STXBP4: variants seen among roughly 807,000 people sequenced by gnomAD.
The protein encoded by STXBP4 is syntaxin-binding protein 4.
Under a neutral mutation model 76.1 loss-of-function variants are expected in STXBP4, and 55 were observed. That is an observed-to-expected ratio of 0.72 (90% CI 0.58 to 0.91). The LOEUF is 0.91. STXBP4 is among the 40% of genes least tolerant of loss of function. STXBP4 has a pLI of 0.00. For synonymous variants in STXBP4, 201 were observed against 220.2 expected (o/e 0.91, Z 0.77); for missense variants, 618 against 636.9 (o/e 0.97, Z 0.32).
intron 15 of STXBP4, among the ~76,000 whole-genome samples, chr17:55,079,422 A>G (rs527972808): frequency 1.6e-4 from 24 of 152,208 alleles, no homozygotes; most frequent in African/African-American, 5.5e-4. Flanking sequence ...CTAGTCCTAG[A>G]TACATCTTCT....
intron 16 of STXBP4, among the ~76,000 whole-genome samples, chr17:55,135,905 G>A (rs556091311): frequency 2.6e-5 from 4 of 152,246 alleles, no homozygotes; most frequent in East Asian, 3.9e-4. Flanking sequence ...TATTGGCAGT[G>A]CAAACAGGAG....
At chr17:54,990,779 G>A (rs775402952) in intron 3 of STXBP4, 46 bp from the exon 4 acceptor site, 1 of 1,540,904 alleles carries the variant, frequency 6.5e-7, no homozygotes, top group South Asian at 1.3e-5. Flanking sequence ...AAAAATAGGT[G>A]CAGATCTCTA....
intron 11 of STXBP4, among the ~76,000 whole-genome samples, chr17:55,046,525 T>C (rs2078790718): frequency 6.6e-6 from 1 of 151,960 alleles, no homozygotes; most frequent in South Asian, 2.1e-4. Context: ...ATGGACATCG[T>C]AGGGTATATG....
chr17:54,984,324 C>G (rs1381603303), intron 1 of STXBP4, among the ~76,000 whole-genome samples: 1 of 145,256 alleles, frequency 6.9e-6, no homozygotes, highest in Non-Finnish European at 1.5e-5. Flanking sequence ...CTCTGGGACT[C>G]TCTTTTTCTT....
At position 55,160,369 on chromosome 17, in the gene STXBP4, A is replaced by C. The variant is rs1283541884; in HGVS notation, c.*458A>C. 1 of 152,744 alleles carries C rather than the reference A, an allele frequency of 6.5e-6. No homozygotes were observed. The highest frequency in any genetic ancestry group is 1.5e-5 in the Non-Finnish European group (1 of 68,198). The allele number at this position is 152,744 out of a possible 1,614,324, so 9.5% of individuals were successfully genotyped here. The stretch of plus-strand genomic sequence containing the variant: ...AAAGTGAACTTAGCAAGCTTTTTGG[A>C]ATTTAAGGATCACATTTAGACATCT... On this transcript the variant is annotated 3_prime_UTR_variant, in exon 18 of 18. Transcript: ENST00000376352.
At chr17:55,037,744 A>G (rs894518800) in intron 10 of STXBP4, among the ~76,000 whole-genome samples, 2 of 152,204 alleles carry the variant, frequency 1.3e-5, no homozygotes, top group Non-Finnish European at 2.9e-5. Context: ...AAAGCCTGTC[A>G]AAGCATTAGT....
At chr17:54,971,004 T>C (rs1043267274) in intron 1 of STXBP4, among the ~76,000 whole-genome samples, 6 of 152,356 alleles carry the variant, frequency 3.9e-5, no homozygotes, top group South Asian at 2.1e-4. Context: ...TTTTTACTTA[T>C]ATTTTGAATG....
chr17:55,076,695 C>A (rs901492437), intron 13 of STXBP4, among the ~76,000 whole-genome samples: 3 of 152,136 alleles, frequency 2.0e-5, no homozygotes, highest in South Asian at 4.1e-4. Flanking sequence ...ATGTCTTCTG[C>A]CATTTCTGGA....
chr17:55,188,697 G>A, the STXBP4 span, among the ~76,000 whole-genome samples: 3 of 152,306 alleles, frequency 2.0e-5, no homozygotes, highest in East Asian at 5.8e-4. Context: ...CTGGTTCCTG[G>A]CAATTGAAGT....
At chr17:55,127,453 A>G (rs1293462692) in intron 16 of STXBP4, among the ~76,000 whole-genome samples, 1 of 152,172 alleles carries the variant, frequency 6.6e-6, no homozygotes, top group Non-Finnish European at 1.5e-5. Context: ...TGGTCTTTCA[A>G]GATTATTGAA....
chr17:55,125,376 C>A (rs2079898032), intron 16 of STXBP4, among the ~76,000 whole-genome samples: 1 of 142,210 alleles, frequency 7.0e-6, no homozygotes, highest in Admixed American at 7.5e-5. Context: ...TCTTTTCACT[C>A]AAAAATTCTA....
intron 10 of STXBP4, among the ~76,000 whole-genome samples, chr17:55,039,156 C>T (rs1413165095): frequency 1.3e-5 from 2 of 152,100 alleles, no homozygotes. Flanking sequence ...GTAAGAAAAG[C>T]TACATAGTGT....
At chr17:55,145,567 A>G (rs2080143072) in intron 17 of STXBP4, among the ~76,000 whole-genome samples, 6 of 152,228 alleles carry the variant, frequency 3.9e-5, no homozygotes, top group Admixed American at 3.3e-4. Flanking sequence ...ATCCCTGCCC[A>G]TCCACATGTC....
At position 55,020,543 on chromosome 17, in the gene STXBP4, C is replaced by T. The variant is rs540213105; in HGVS notation, c.667-10625C>T. Reference sequence around the variant, plus strand: ...TTTTTTAATTATACTTTCGGCCGGGCGTGATGGCTCACACCTGTAATCTCA... The same window carrying T: ...TTTTTTAATTATACTTTCGGCCGGGTGTGATGGCTCACACCTGTAATCTCA... On this transcript the variant is annotated intron_variant, in intron 8 of 17. Transcript: ENST00000376352. Among the ~76,000 whole-genome samples, 47 of 152,190 alleles carry T rather than the reference C, an allele frequency of 3.1e-4. 1 individual carries two copies. The highest frequency in any genetic ancestry group is 5.7e-4 in the Non-Finnish European group (39 of 68,008).
At chr17:55,178,358 T>C (rs1023708256), downstream of STXBP4, among the ~76,000 whole-genome samples, 1 of 152,242 alleles carries the variant, frequency 6.6e-6, no homozygotes, top group Non-Finnish European at 1.5e-5. Flanking sequence ...TAAAGCCACA[T>C]GGCATGTGGT....
At chr17:55,186,817 C>T in the STXBP4 span, among the ~76,000 whole-genome samples, 1 of 152,172 alleles carries the variant, frequency 6.6e-6, no homozygotes, top group Non-Finnish European at 1.5e-5. Context: ...ATATCACTCC[C>T]TTTCTCATTT....
intron 17 of STXBP4, among the ~76,000 whole-genome samples, chr17:55,156,694 G>A (rs1160334589): frequency 6.6e-6 from 1 of 152,162 alleles, no homozygotes; most frequent in African/African-American, 2.4e-5. Context: ...CTTCTAGTGA[G>A]TAGCTGTTGT....
intron 4 of STXBP4, among the ~76,000 whole-genome samples, chr17:54,995,655 A>C (rs2077789453): frequency 6.6e-6 from 1 of 152,186 alleles, no homozygotes; most frequent in Non-Finnish European, 1.5e-5. Context: ...ATCTGTTTTC[A>C]TGCGGAGCAT....
chr17:55,022,301 ATT>A (rs60746470), intron 8 of STXBP4, among the ~76,000 whole-genome samples: 7 of 147,354 alleles, frequency 4.8e-5, no homozygotes, highest in East Asian at 2.0e-4. Context: ...ACTTTCTGTT[ATT>A]TTTTTTTTTT....
Sources: gnomAD v4.1 joint callset for allele counts (sites outside exome capture counted in the v4.1 genomes callset) on GRCh38, gnomAD v4.1.1 for gene constraint, MANE v1.5 for transcripts, NCBI Gene and HGNC (gene_info 2026-07-23, HGNC 2026-07-21) for gene names.